The following KAT6A variants were observed in gnomAD, a reference collection of about 807,000 sequenced individuals.
KAT6A encodes the protein histone acetyltransferase KAT6A.
KAT6A carries 9 observed loss-of-function variants against 198.4 expected under a neutral mutation model. The observed-to-expected ratio is 0.05, with a 90% confidence interval of 0.03 to 0.08. The LOEUF (loss-of-function observed/expected upper bound fraction) is 0.08, where lower values mean the gene tolerates loss of function less well. Among genes scored for constraint, KAT6A ranks in the 10% least tolerant of loss-of-function variants. The probability of loss-of-function intolerance (pLI) is 1.00; values close to 1 mark genes in which losing one functional copy is unlikely to be tolerated. For synonymous variants in KAT6A, 890 were observed against 883.0 expected, an observed-to-expected ratio of 1.01 and a Z score of -0.14; for missense variants, 2,077 against 2,509.9, an observed-to-expected ratio of 0.83 and a Z score of 3.69.
chr8:41,931,002 T>A lies in KAT6A; in HGVS notation c.*1203A>T, dbSNP rs1821513822. The A allele has an allele frequency of 4.7e-6, 1 of 212,294 alleles. No individual in the cohort carries two copies. The highest frequency in any genetic ancestry group is 9.5e-6 in the Non-Finnish European group (1 of 104,980). The allele number at this position is 212,294 out of a possible 1,614,324, so 13.2% of individuals were successfully genotyped here. On this transcript the variant is annotated 3_prime_UTR_variant, in exon 17 of 17. Coordinates refer to ENST00000265713, the MANE Select transcript of KAT6A (RefSeq NM_006766.5). ...GACATACAAAAACTAGAGGTATGTA[T>A]CACTTAAATAGCTACGAAACTCACA...
At chr8:42,003,015 CTT>C (rs1825569024) in intron 2 of KAT6A, among the ~76,000 whole-genome samples, 1 of 152,158 alleles carries the variant, frequency 6.6e-6, no homozygotes, top group South Asian at 2.1e-4. Flanking sequence ...CAAGTTCACT[CTT>C]CTCTACCGGG....
chr8:41,992,209 G>C (rs1481901450), intron 2 of KAT6A, among the ~76,000 whole-genome samples: 1 of 148,422 alleles, frequency 6.7e-6, no homozygotes, highest in Non-Finnish European at 1.5e-5. Context: ...AAAAAAAAAA[G>C]AAAAAAAAAG....
At chr8:41,938,471 G>A (rs2150859501) in intron 15 of KAT6A, among the ~76,000 whole-genome samples, 1 of 152,192 alleles carries the variant, frequency 6.6e-6, no homozygotes, top group African/African-American at 2.4e-5. Context: ...AAACTTAATA[G>A]TCCCAATCGA....
intron 1 of KAT6A, chr8:42,049,673 C>T (rs1802502117): frequency 6.6e-6 from 1 of 152,196 alleles, no homozygotes; most frequent in South Asian, 2.1e-4. Context: ...AACTAGTCAG[C>T]ACTTCAACAA....
At chr8:42,008,531 G>A (rs1209008209) in intron 2 of KAT6A, among the ~76,000 whole-genome samples, 5 of 152,008 alleles carry the variant, frequency 3.3e-5, no homozygotes, top group South Asian at 2.1e-4. Flanking sequence ...GAGTAGAGAC[G>A]GGGTTTCACG....
chr8:41,970,578 A>C (rs1198633819), intron 8 of KAT6A, among the ~76,000 whole-genome samples: 1 of 152,218 alleles, frequency 6.6e-6, no homozygotes, highest in African/African-American at 2.4e-5. Context: ...AGTAGATAGC[A>C]GTGACCAAAA....
chr8:41,943,207 G>C (rs555354623), intron 13 of KAT6A, among the ~76,000 whole-genome samples: 1 of 152,146 alleles, frequency 6.6e-6, no homozygotes, highest in Non-Finnish European at 1.5e-5. Context: ...TACCGTGGCC[G>C]CGGGCTGTTT....
chr8:41,945,936 A>C (rs532126001), intron 12 of KAT6A, among the ~76,000 whole-genome samples: 16 of 151,584 alleles, frequency 1.1e-4, no homozygotes, highest in African/African-American at 3.6e-4. Flanking sequence ...AGGCTGAGGC[A>C]GAAGAATAGC....
At chr8:42,017,425 T>C (rs188390287) in intron 2 of KAT6A, among the ~76,000 whole-genome samples, 2 of 152,282 alleles carry the variant, frequency 1.3e-5, no homozygotes, top group Non-Finnish European at 1.5e-5. Context: ...GTATGCCTAA[T>C]GGACCATGAG....
chr8:41,982,074 G>A, intron 3 of KAT6A, 120 bp from the exon 4 acceptor site: 1 of 605,732 alleles, frequency 1.7e-6, no homozygotes, highest in Non-Finnish European at 3.0e-6. Flanking sequence ...ATCAAATAAA[G>A]CAAGATGCAC....
Position 41,929,590 on chromosome 8 carries a change from G to A in KAT6A, c.*2615C>T. 1 of 192,696 alleles carries A rather than the reference G, an allele frequency of 5.2e-6. No homozygotes were observed. Among genetic ancestry groups the A allele is most frequent in the Non-Finnish European group, 1.1e-5 (1 of 92,152 alleles). 11.9% of individuals were successfully genotyped at this position (192,696 alleles called of 1,614,324 possible). A position where few individuals can be genotyped will look rare whatever the true frequency, so the allele number is the denominator to read the frequency against. On this transcript the variant is annotated 3_prime_UTR_variant, in exon 17 of 17. Transcript: ENST00000265713. The stretch of plus-strand genomic sequence containing the variant: ...TATTACATACAAGGAGAGGAAGGGA[G>A]GCCGGCTGGCCCAGGAGCGCGTGAC...
At chr8:42,040,076 T>C (rs1487062315) in intron 2 of KAT6A, among the ~76,000 whole-genome samples, 2 of 151,862 alleles carry the variant, frequency 1.3e-5, no homozygotes, top group African/African-American at 4.8e-5. Flanking sequence ...TACTATTAAA[T>C]ACCTATTATA....
At chr8:41,963,982 C>A (rs1333064365) in intron 8 of KAT6A, among the ~76,000 whole-genome samples, 1 of 152,130 alleles carries the variant, frequency 6.6e-6, no homozygotes, top group Non-Finnish European at 1.5e-5. Flanking sequence ...CAGCACCCTA[C>A]ACAAATGTCA....
In KAT6A at chr8:41,942,926, T is replaced by A. The variant is rs1456937248; in HGVS notation, c.2303A>T (p.Asp768Val). 6.2e-7 allele frequency: 1 copy of A among 1,614,166 alleles called. No individual in the cohort carries two copies. The highest frequency in any genetic ancestry group is 1.7e-5 in the Admixed American group (1 of 60,028). Residue 768 changes from aspartate to valine, a missense_variant, in exon 14 of 17, where the codon GAT becomes GTT. Physicochemically the swap from Asp to Val is radical, Grantham distance 152. Transcript: ENST00000265713. ...CCAGCGCAAACATTCTGGATCTACA[T>A]CTACAGGTCGCAAATTCAGCTGAAG... ...AKLQLNLRPV[D>V]VDPECLRWTP...
chr8:41,963,461 C>T (rs1823307084), intron 8 of KAT6A, among the ~76,000 whole-genome samples: 1 of 152,186 alleles, frequency 6.6e-6, no homozygotes, highest in Non-Finnish European at 1.5e-5. Flanking sequence ...CTACTTGGTT[C>T]TGCCCTCTCC....
intron 2 of KAT6A, among the ~76,000 whole-genome samples, chr8:42,021,240 T>C (rs565595073): frequency 1.1e-4 from 16 of 152,184 alleles, no homozygotes; most frequent in Admixed American, 1.0e-3. Flanking sequence ...TTAAAATTTA[T>C]GTGTTCATGA....
intron 2 of KAT6A, among the ~76,000 whole-genome samples, chr8:42,015,878 T>C (rs1234372718): frequency 3.3e-5 from 5 of 151,770 alleles, no homozygotes; most frequent in Admixed American, 6.6e-5. Context: ...AGTTTGCTCA[T>C]GCATATAGAC....
chr8:42,047,315 CT>C lies in KAT6A; in HGVS notation c.600+1062del, dbSNP rs575130515. On this transcript the variant is annotated intron_variant, in intron 2 of 16. Coordinates refer to ENST00000265713, the MANE Select transcript of KAT6A (RefSeq NM_006766.5). ...ATATCTATTTAAGCACCAAAATTTACTGTTTAAGAAGTCATAATTTCAACTA... is the reference window on the plus strand; with the variant it reads ...ATATCTATTTAAGCACCAAAATTTACGTTTAAGAAGTCATAATTTCAACTA... 2.0e-5 allele frequency among the ~76,000 whole-genome samples: 3 copies of C among 152,326 alleles called. No homozygotes were observed. In the South Asian group the frequency reaches 6.2e-4, roughly 32 times the overall value.
chr8:41,966,855 T>C (rs1486620500), intron 8 of KAT6A, among the ~76,000 whole-genome samples: 2 of 152,120 alleles, frequency 1.3e-5, no homozygotes, highest in Non-Finnish European at 2.9e-5. Flanking sequence ...TGATTAAGGG[T>C]ACAGAATTAG....
Sources: allele counts gnomAD v4.1 joint callset (sites outside exome capture counted in the v4.1 genomes callset), GRCh38; gene constraint gnomAD v4.1.1; transcripts MANE v1.5; gene names NCBI Gene and HGNC (gene_info 2026-07-23, HGNC 2026-07-21).